CNOT2: variants seen among roughly 807,000 people sequenced by gnomAD.
The protein encoded by CNOT2 is CCR4-NOT transcription complex subunit 2, also known as CC chemokine receptor 4-negative regulator of transcription 2.
In CNOT2, 7 loss-of-function variants were observed where a neutral mutation model predicts 72.1. That is an observed-to-expected ratio of 0.10 (90% confidence interval 0.06 to 0.18). CNOT2 has a LOEUF of 0.18. Among genes scored for constraint, CNOT2 ranks in the 10% least tolerant of loss-of-function variants. The pLI is 1.00. For synonymous variants in CNOT2, 196 were observed against 225.6 expected (o/e 0.87, Z 1.17); for missense variants, 345 against 660.3 (o/e 0.52, Z 5.23).
At chr12:70,295,133 A>G (rs192955078) in intron 2 of CNOT2, among the ~76,000 whole-genome samples, 30 of 152,276 alleles carry the variant, frequency 2.0e-4, no homozygotes, top group African/African-American at 6.5e-4. Flanking sequence ...TCGTTCTCCT[A>G]CATCTATCCC....
chr12:70,303,245 T>A (rs1239521647), intron 2 of CNOT2, among the ~76,000 whole-genome samples: 10 of 152,230 alleles, frequency 6.6e-5, no homozygotes, highest in African/African-American at 2.4e-4. Flanking sequence ...ATGTGTGAAT[T>A]TGATCCTGTC....
intron 1 of CNOT2, among the ~76,000 whole-genome samples, chr12:70,261,471 T>C (rs1266477685): frequency 1.3e-5 from 2 of 151,454 alleles, no homozygotes; most frequent in African/African-American, 2.4e-5. Context: ...CCTGCCACCA[T>C]GCCCAGCTAA....
chr12:70,338,027 T>C (rs1368743875), intron 9 of CNOT2: 1 of 236,324 alleles, frequency 4.2e-6, no homozygotes, highest in Admixed American at 5.4e-5. Context: ...TACAAAGTTT[T>C]AAAGCTTGTA....
At chr12:70,247,490 A>G (rs1173178625) in intron 1 of CNOT2, among the ~76,000 whole-genome samples, 1 of 152,096 alleles carries the variant, frequency 6.6e-6, no homozygotes, top group Non-Finnish European at 1.5e-5. Flanking sequence ...TATTGCATGT[A>G]TGTGTGTGGG....
chr12:70,332,905 A>G (rs1880161875), intron 7 of CNOT2, 59 bp downstream of exon 7: 1 of 1,500,598 alleles, frequency 6.7e-7, no homozygotes, highest in Non-Finnish European at 8.9e-7. Flanking sequence ...TGAAATATAA[A>G]GCAATTCAAC....
intron 6 of CNOT2, chr12:70,330,992 C>T (rs1188951869): frequency 6.6e-6 from 1 of 152,058 alleles, no homozygotes; most frequent in Non-Finnish European, 1.5e-5. Flanking sequence ...TACTTTTTCA[C>T]TTCTCTTTGT....
intron 1 of CNOT2, among the ~76,000 whole-genome samples, chr12:70,276,622 A>G (rs927677990): frequency 2.6e-5 from 4 of 152,022 alleles, no homozygotes; most frequent in South Asian, 2.1e-4. Context: ...TGAATATCCA[A>G]TTCATTTGTA....
chr12:70,325,349 C>CCATG (rs1878926526), intron 4 of CNOT2, among the ~76,000 whole-genome samples: 1 of 151,824 alleles, frequency 6.6e-6, no homozygotes. Flanking sequence ...AATTCCACTG[C>CCATG]CATGATTGCC....
At chr12:70,266,099 GTATTAT>G (rs373889047) in intron 1 of CNOT2, among the ~76,000 whole-genome samples, 16 of 149,246 alleles carry the variant, frequency 1.1e-4, no homozygotes, top group African/African-American at 4.0e-4. Context: ...CGTTGATGTT[GTATTAT>G]TATTATTATT....
Position 70,319,311 on chromosome 12 carries a change from C to A in CNOT2, c.185C>A (p.Pro62Gln), listed in dbSNP as rs1877896356. 6.2e-7 allele frequency: 1 copy of A among 1,609,166 alleles called. No individual in the cohort carries two copies. Among genetic ancestry groups the A allele is most frequent in the East Asian group, 2.2e-5 (1 of 44,722 alleles). ...HRSEKDMLAS[P>Q]STSGQLSQFG... is the part of the protein sequence containing the mutation. The stretch of plus-strand genomic sequence containing the variant: ...ATTTGTTTCTAGATGCTGGCATCAC[C>A]ATCTACATCAGGTCAGCTGTCTCAG... Residue 62 changes from proline (P) to glutamine (Q), a missense_variant, in exon 4 of 16, where the codon CCA becomes CAA. Physicochemically the swap from Pro to Gln is moderately conservative, Grantham distance 76. This residue lies in a region of CNOT2 where 157 missense variants were observed against 235.3 expected (regional missense o/e 0.67). Coordinates refer to ENST00000229195, the MANE Select transcript of CNOT2 (RefSeq NM_014515.7).
intron 11 of CNOT2, among the ~76,000 whole-genome samples, chr12:70,339,878 A>G (rs2136059810): frequency 6.6e-6 from 1 of 152,156 alleles, no homozygotes; most frequent in South Asian, 2.1e-4. Flanking sequence ...AGCCACCTAC[A>G]CCTATGTTAT....
rs943320623 is a variant in CNOT2, at chr12:70,247,394, G to A, written c.-96+3914G>A. Among the ~76,000 whole-genome samples the A allele has an allele frequency of 3.9e-5, 6 of 152,146 alleles. No individual in the cohort carries two copies. The South Asian group carries it at 8.3e-4, about 21-fold the overall frequency. On this transcript the variant is annotated intron_variant, in intron 1 of 15. Transcript: ENST00000229195. ...ATGTCTCAAACTCCTGACCTCAGACGATCCGCCTGCCTCACCCTCCCAAAG... is the reference window on the plus strand; with the variant it reads ...ATGTCTCAAACTCCTGACCTCAGACAATCCGCCTGCCTCACCCTCCCAAAG...
Position 70,312,563 on chromosome 12 carries a change from G to A in CNOT2, c.171+1546G>A, listed in dbSNP as rs189611797. ...TATACTTACACACATACTCACAAAT[G>A]TTGGCCACCATTCTGATCCAGCTGG... On this transcript the variant is annotated intron_variant, in intron 3 of 15. Transcript: ENST00000229195. Among the ~76,000 whole-genome samples the A allele has an allele frequency of 3.4e-4, 51 of 152,042 alleles. No individual in the cohort carries two copies. In the East Asian group the frequency reaches 7.5e-3, roughly 22 times the overall value.
At chr12:70,299,717 A>C (rs988895021) in intron 2 of CNOT2, among the ~76,000 whole-genome samples, 4 of 152,190 alleles carry the variant, frequency 2.6e-5, no homozygotes, top group African/African-American at 7.2e-5. Context: ...AGCATGATTT[A>C]TAATCCTTTG....
At chr12:70,329,368 T>C in intron 4 of CNOT2, 55 bp from the exon 5 acceptor site, 1 of 1,463,200 alleles carries the variant, frequency 6.8e-7, no homozygotes, top group Non-Finnish European at 9.6e-7. Context: ...AGAAGATGGA[T>C]AACAATTTCA....
chr12:70,273,427 C>T (rs555010369), intron 1 of CNOT2, among the ~76,000 whole-genome samples: 2 of 152,236 alleles, frequency 1.3e-5, no homozygotes, highest in East Asian at 1.9e-4. Context: ...TCATCTCCCT[C>T]GCTGGCTGCT....
At chr12:70,347,917 A>ATG (rs1195144293) in intron 15 of CNOT2, 1 of 152,218 alleles carries the variant, frequency 6.6e-6, no homozygotes, top group Admixed American at 6.5e-5. Context: ...TTTTTAAGAT[A>ATG]TGTAGTATAC....
At chr12:70,293,227 C>G (rs890612327) in intron 2 of CNOT2, among the ~76,000 whole-genome samples, 8 of 149,160 alleles carry the variant, frequency 5.4e-5, no homozygotes, top group Non-Finnish European at 8.9e-5. Context: ...GTGGCACGAT[C>G]TAAACTCAAT....
chr12:70,338,443 A>G lies in CNOT2; in HGVS notation c.901A>G (p.Asn301Asp). 6.3e-7 allele frequency: 1 copy of G among 1,594,674 alleles called. No homozygotes were observed. Residue 301 changes from asparagine to aspartate, a missense_variant and splice_region_variant, in exon 10 of 16, where the codon AAT becomes GAT. Around this residue, in one of 4 missense-constraint regions of CNOT2, gnomAD observed 128 missense variants for 233.0 expected, o/e 0.55. Transcript: ENST00000229195. ...PTSSNDDSKS[N>D]LNTSGKTTSS... is the part of the protein sequence containing the mutation. Reference sequence around the variant, plus strand: ...TCACATTTAATTTTTTTCATGCTAGAATTTGAATACATCTGGCAAGACAAC... The same window carrying G: ...TCACATTTAATTTTTTTCATGCTAGGATTTGAATACATCTGGCAAGACAAC...
Sources: allele counts gnomAD v4.1 joint callset (sites outside exome capture counted in the v4.1 genomes callset), GRCh38; gene constraint gnomAD v4.1.1; regional missense constraint gnomAD v4.1.1; transcripts MANE v1.5; gene names NCBI Gene and HGNC (gene_info 2026-07-23, HGNC 2026-07-21).